MAN1A1: variants seen among roughly 807,000 people sequenced by gnomAD.
The protein encoded by MAN1A1 is mannosyl-oligosaccharide 1,2-alpha-mannosidase IA.
A neutral mutation model predicts 70.8 loss-of-function variants in MAN1A1; 29 were observed. The observed-to-expected ratio is 0.41, with a 90% CI of 0.31 to 0.56. MAN1A1 has a LOEUF of 0.56. Ranked by LOEUF, MAN1A1 falls within the 20% of genes least tolerant of loss-of-function variation. The pLI, the probability that MAN1A1 is intolerant of heterozygous loss-of-function variation, is 0.29. For missense variants in MAN1A1, 747 were observed against 841.3 expected (o/e 0.89, Z 1.39); for synonymous variants, 349 against 330.1 (o/e 1.06, Z -0.62).
intron 4 of MAN1A1, among the ~76,000 whole-genome samples, chr6:119,297,797 T>TTATC (rs1234382624): frequency 8.2e-6 from 1 of 122,568 alleles, no homozygotes; most frequent in South Asian, 2.4e-4. Flanking sequence ...TGGAGTTTTT[T>TTATC]TGTTTTGTTT....
At chr6:119,254,200 A>C (rs1775401711) in intron 5 of MAN1A1, among the ~76,000 whole-genome samples, 1 of 152,246 alleles carries the variant, frequency 6.6e-6, no homozygotes, top group African/African-American at 2.4e-5. Context: ...CTGAAAAGCA[A>C]ATTTTTACAA....
chr6:119,285,125 G>A (rs1285045564), intron 5 of MAN1A1, among the ~76,000 whole-genome samples: 1 of 119,844 alleles, frequency 8.3e-6, no homozygotes, highest in Non-Finnish European at 1.9e-5. Context: ...GGAAGGGAAA[G>A]GAGGTAGCAG....
At chr6:119,260,558 T>A (rs1017654628) in intron 5 of MAN1A1, among the ~76,000 whole-genome samples, 9 of 152,246 alleles carry the variant, frequency 5.9e-5, no homozygotes, top group African/African-American at 1.9e-4. Context: ...AGGGTCAAAG[T>A]AGCCATAGAC....
At chr6:119,320,789 A>G (rs983714666) in intron 2 of MAN1A1, among the ~76,000 whole-genome samples, 2 of 152,188 alleles carry the variant, frequency 1.3e-5, no homozygotes, top group Non-Finnish European at 2.9e-5. Context: ...GTTATCAAAG[A>G]AGGCTATATT....
At chr6:119,291,785 A>C (rs1004428617) in intron 4 of MAN1A1, among the ~76,000 whole-genome samples, 3 of 152,134 alleles carry the variant, frequency 2.0e-5, no homozygotes, top group African/African-American at 7.2e-5. Context: ...CATAAAGGAC[A>C]TGATAATAAT....
intron 6 of MAN1A1, among the ~76,000 whole-genome samples, chr6:119,211,472 T>C (rs543775236): frequency 6.6e-6 from 1 of 152,366 alleles, no homozygotes; most frequent in Non-Finnish European, 1.5e-5. Context: ...GCTCAATACA[T>C]GCTTAATTTA....
intron 5 of MAN1A1, among the ~76,000 whole-genome samples, chr6:119,280,593 A>C (rs184582341): frequency 2.0e-5 from 3 of 152,332 alleles, no homozygotes; most frequent in African/African-American, 4.8e-5. Flanking sequence ...TAGCCCTATT[A>C]AATTTTAAAT....
At chr6:119,293,612 T>C (rs897736838) in intron 4 of MAN1A1, among the ~76,000 whole-genome samples, 3 of 152,136 alleles carry the variant, frequency 2.0e-5, no homozygotes, top group Non-Finnish European at 4.4e-5. Context: ...TTCCAACATA[T>C]AATTCTTTCT....
chr6:119,181,782 T>A (rs1354899474), intron 11 of MAN1A1, among the ~76,000 whole-genome samples: 1 of 152,218 alleles, frequency 6.6e-6, no homozygotes, highest in Non-Finnish European at 1.5e-5. Flanking sequence ...TACTGGAAGG[T>A]GTACAGTGTG....
chr6:119,222,071 T>G (rs2114259252), intron 6 of MAN1A1, among the ~76,000 whole-genome samples: 1 of 152,210 alleles, frequency 6.6e-6, no homozygotes, highest in Non-Finnish European at 1.5e-5. Flanking sequence ...CAAAGAACAT[T>G]ACAAAGAACA....
intron 11 of MAN1A1, among the ~76,000 whole-genome samples, chr6:119,187,528 C>T (rs926614279): frequency 6.6e-6 from 1 of 152,106 alleles, no homozygotes; most frequent in African/African-American, 2.4e-5. Context: ...CAAGATTCAC[C>T]GATGGCTTCC....
At chr6:119,186,808 T>A (rs3819726) in intron 11 of MAN1A1, among the ~76,000 whole-genome samples, 36,134 of 152,026 alleles carry the variant, frequency 0.24, 4,616 homozygotes, top group South Asian at 0.43. Flanking sequence ...CGTGCGGCCA[T>A]GCCTTCGAAG....
At chr6:119,294,842 T>G (rs1371506735) in intron 4 of MAN1A1, among the ~76,000 whole-genome samples, 1 of 152,096 alleles carries the variant, frequency 6.6e-6, no homozygotes. Flanking sequence ...ACACCTAAAA[T>G]CAAGAGATGA....
At position 119,349,158 on chromosome 6, in the gene MAN1A1, T is replaced by C. The variant is rs865819018; in HGVS notation, c.-93A>G. ...CGCGGCTGCGGGGCTGGGTCCTGCGTAGCCAGGCCGCCCGACCCCCTCGGC... is the reference window on the plus strand; with the variant it reads ...CGCGGCTGCGGGGCTGGGTCCTGCGCAGCCAGGCCGCCCGACCCCCTCGGC... On this transcript the variant is annotated 5_prime_UTR_variant, in exon 2 of 13. Transcript: ENST00000368468. 8.8e-5 allele frequency: 109 copies of C among 1,232,786 alleles called. No homozygotes were observed. The Middle Eastern group carries it at 1.3e-3, about 14-fold the overall frequency. 76.4% of individuals were successfully genotyped at this position (1,232,786 alleles called of 1,614,324 possible).
At chr6:119,190,675 T>C (rs1773418251) in intron 9 of MAN1A1, among the ~76,000 whole-genome samples, 2 of 152,340 alleles carry the variant, frequency 1.3e-5, no homozygotes, top group South Asian at 4.1e-4. Flanking sequence ...TAAATGTATA[T>C]ATTTTAAAAA....
intron 10 of MAN1A1, 146 bp from the exon 11 acceptor site, chr6:119,188,723 G>A (rs544350261): frequency 2.9e-6 from 2 of 687,576 alleles, no homozygotes; most frequent in African/African-American, 1.8e-5. Context: ...CAAAATCCAT[G>A]GATCCTTGAG....
intron 11 of MAN1A1, among the ~76,000 whole-genome samples, chr6:119,186,961 ATATAT>A (rs1773308746): frequency 6.6e-6 from 1 of 152,228 alleles, no homozygotes; most frequent in Non-Finnish European, 1.5e-5. Context: ...ATTTCAGGTC[ATATAT>A]TATGTTAAAG....
At chr6:119,276,007 C>T (rs1776053597) in intron 5 of MAN1A1, among the ~76,000 whole-genome samples, 1 of 152,178 alleles carries the variant, frequency 6.6e-6, no homozygotes, top group Admixed American at 6.5e-5. Context: ...GTACTTGGCA[C>T]ACAATAAACC....
chr6:119,299,780 C>T (rs1385985764), intron 4 of MAN1A1, among the ~76,000 whole-genome samples: 1 of 152,170 alleles, frequency 6.6e-6, no homozygotes, highest in Non-Finnish European at 1.5e-5. Flanking sequence ...ACATTCAAGG[C>T]ATCCTGTGGT....
Sources: allele counts gnomAD v4.1 joint callset (sites outside exome capture counted in the v4.1 genomes callset), GRCh38; gene constraint gnomAD v4.1.1; transcripts MANE v1.5; gene names NCBI Gene and HGNC (gene_info 2026-07-23, HGNC 2026-07-21).